TBC1D31: variants seen among roughly 807,000 people sequenced by gnomAD.
TBC1D31 encodes the protein WD repeat domain 67.
In TBC1D31, 99 loss-of-function variants were observed where a neutral mutation model predicts 132.9. That is an observed-to-expected ratio of 0.74 (90% CI 0.63 to 0.88). The LOEUF (loss-of-function observed/expected upper bound fraction) is 0.88. Among genes scored for constraint, TBC1D31 ranks in the 40% least tolerant of loss-of-function variants. The pLI is 0.00. For synonymous variants in TBC1D31, 385 were observed against 419.4 expected, an observed-to-expected ratio of 0.92 and a Z score of 1.00; for missense variants, 1,134 against 1,256.6, an observed-to-expected ratio of 0.90 and a Z score of 1.48.
At chr8:123,144,108 T>C (rs1356248502) in intron 19 of TBC1D31, among the ~76,000 whole-genome samples, 1 of 152,236 alleles carries the variant, frequency 6.6e-6, no homozygotes, top group African/African-American at 2.4e-5. Flanking sequence ...TTATTATTTC[T>C]ATAGCATAAA....
In TBC1D31 at chr8:123,085,561, A is replaced by G. The variant is rs185763234; in HGVS notation, c.519+1221A>G. On this transcript the variant is annotated intron_variant, in intron 4 of 21. Transcript: ENST00000287380. ...ACCATTCTCCTGCCTCAGCCTCCCA[A>G]GTAGCTGGGACTACAGGTGCCTGCC... is the stretch of plus-strand genomic sequence containing the variant. Among the ~76,000 whole-genome samples, 464 of 152,108 alleles carry G rather than the reference A, an allele frequency of 3.1e-3. 8 individuals carry two copies. The highest frequency in any genetic ancestry group is 0.028 in the East Asian group (143 of 5,160).
intron 16 of TBC1D31, among the ~76,000 whole-genome samples, chr8:123,131,568 T>C (rs1201798267): frequency 2.6e-5 from 4 of 152,148 alleles, no homozygotes; most frequent in African/African-American, 9.7e-5. Flanking sequence ...ATTTCTCTTT[T>C]TGTGGTTGTA....
In TBC1D31 at chr8:123,076,338, A is replaced by ATGTG. The variant is rs71310650; in HGVS notation, c.78-747_78-744dup. On this transcript the variant is annotated intron_variant, in intron 1 of 21. Transcript: ENST00000287380. ...TTTATTTTTTCTTTTAATTGTGTGT[A>ATGTG]TGTGTGTGTGTGTGTGTGTGTGTGT... Among the ~76,000 whole-genome samples the ATGTG allele has an allele frequency of 9.1e-3, 1,364 of 149,440 alleles. 18 individuals carry two copies. The highest frequency in any genetic ancestry group is 0.03 in the African/African-American group (1,235 of 40,646).
chr8:123,126,735 C>A, intron 13 of TBC1D31, 48 bp downstream of exon 13: 1 of 1,500,668 alleles, frequency 6.7e-7, no homozygotes, highest in Non-Finnish European at 9.0e-7. Flanking sequence ...TCAGTTATTT[C>A]TCTCTATTTT....
chr8:123,101,711 C>A (rs1437141065), intron 7 of TBC1D31, among the ~76,000 whole-genome samples: 1 of 152,200 alleles, frequency 6.6e-6, no homozygotes, highest in Non-Finnish European at 1.5e-5. Context: ...CCACGCCCAG[C>A]CCAACTTCTT....
intron 5 of TBC1D31, among the ~76,000 whole-genome samples, chr8:123,095,123 C>T (rs6988792): frequency 0.32 from 48,714 of 151,830 alleles, 8,003 homozygotes; most frequent in African/African-American, 0.39. Flanking sequence ...TCCTCTGTTA[C>T]CTGTATTTTT....
chr8:123,165,120 C>T, the TBC1D31 span, among the ~76,000 whole-genome samples: 12 of 152,188 alleles, frequency 7.9e-5, no homozygotes, highest in East Asian at 2.3e-3. Flanking sequence ...CCTGTCAACA[C>T]CTTCAACCTA....
chr8:123,100,693 TAC>T (rs1012091531), intron 6 of TBC1D31, 112 bp from the exon 7 acceptor site: 81 of 678,938 alleles, frequency 1.2e-4, no homozygotes, highest in African/African-American at 6.1e-4. Flanking sequence ...TACACACATA[TAC>T]ACACACACAT....
Position 123,130,622 on chromosome 8 carries a change from T to C in TBC1D31, c.2406+289T>C, listed in dbSNP as rs538873514. On this transcript the variant is annotated intron_variant, in intron 16 of 21. Transcript: ENST00000287380. ...CATTAAGTTATTTTTTCTTTTCTTT[T>C]CTTTTTTTTTTTTTTTTGAGACAGA... Among the ~76,000 whole-genome samples the C allele has an allele frequency of 4.1e-4, 62 of 150,994 alleles. No homozygotes were observed. In the South Asian group the frequency reaches 0.012, roughly 28 times the overall value.
At position 123,129,154 on chromosome 8, in the gene TBC1D31, G is replaced by C; in HGVS notation, c.2206G>C (p.Ala736Pro). ...CCAGAAACAGGAGCTGCTTCGTAAA[G>C]CTGAAGAAACAAGAAGAGAAATGCT... ...WYQKQELLRK[A>P]EETRREMLLQ... Residue 736 changes from alanine to proline, a missense_variant, in exon 15 of 22, where the codon GCT becomes CCT. Ala to Pro is a conservative substitution (Grantham distance 27). Transcript: ENST00000287380. 4 of 1,607,700 alleles carry C rather than the reference G, an allele frequency of 2.5e-6. No homozygotes were observed. The highest frequency in any genetic ancestry group is 3.4e-6 in the Non-Finnish European group (4 of 1,175,572).
intron 10 of TBC1D31, among the ~76,000 whole-genome samples, chr8:123,116,007 T>C (rs1818874795): frequency 6.6e-6 from 1 of 152,068 alleles, no homozygotes; most frequent in Non-Finnish European, 1.5e-5. Flanking sequence ...TAAAGTATAC[T>C]CAGAAAAATA....
At chr8:123,161,921 G>C in the TBC1D31 span, among the ~76,000 whole-genome samples, 46 of 150,132 alleles carry the variant, frequency 3.1e-4, 1 homozygote, top group African/African-American at 1.1e-3. Context: ...GGGAGGCTAA[G>C]GCAGGAGAAT....
At chr8:123,133,378 AT>A (rs1406549689) in intron 16 of TBC1D31, among the ~76,000 whole-genome samples, 1 of 152,172 alleles carries the variant, frequency 6.6e-6, no homozygotes, top group Non-Finnish European at 1.5e-5. Flanking sequence ...ACCTCTTTAA[AT>A]TGAACTGGTC....
At chr8:123,149,899 C>T (rs559474066) in intron 20 of TBC1D31, 137 bp from the exon 21 acceptor site, 32 of 564,856 alleles carry the variant, frequency 5.7e-5, no homozygotes, top group African/African-American at 4.1e-4. Flanking sequence ...GAATGTTGAC[C>T]GCATTCTTCT....
intron 4 of TBC1D31, among the ~76,000 whole-genome samples, chr8:123,085,520 C>T (rs1241036866): frequency 1.3e-5 from 2 of 151,914 alleles, no homozygotes; most frequent in African/African-American, 2.4e-5. Flanking sequence ...CTGCAAGCTC[C>T]GCCTCCCAGG....
chr8:123,076,776 G>T (rs1174315046), intron 1 of TBC1D31, among the ~76,000 whole-genome samples: 2 of 152,146 alleles, frequency 1.3e-5, no homozygotes, highest in African/African-American at 2.4e-5. Context: ...TTATATGTGT[G>T]TTTATTTTTT....
chr8:123,144,045 C>G (rs1250621884), intron 19 of TBC1D31, among the ~76,000 whole-genome samples: 1 of 151,872 alleles, frequency 6.6e-6, no homozygotes, highest in East Asian at 1.9e-4. Flanking sequence ...TTTCTGTGAT[C>G]CTTCCTTACC....
chr8:123,106,810 T>G (rs1177439921), intron 8 of TBC1D31, among the ~76,000 whole-genome samples: 1 of 152,200 alleles, frequency 6.6e-6, no homozygotes, highest in Non-Finnish European at 1.5e-5. Flanking sequence ...GTAGCCATAT[T>G]CATAGCTATA....
In TBC1D31 at chr8:123,077,099, T is replaced by A; in HGVS notation, c.78-12T>A. On this transcript the variant is annotated splice_polypyrimidine_tract_variant and intron_variant, in intron 1 of 21. Transcript: ENST00000287380. ...GACATAGATTCAATGTTTGGGTTTT[T>A]TTCTTTGACAGAATTATAGTGAACA... The A allele has an allele frequency of 6.4e-7, 1 of 1,567,834 alleles. No homozygotes were observed. The highest frequency in any genetic ancestry group is 8.6e-7 in the Non-Finnish European group (1 of 1,160,130).
Sources: allele counts gnomAD v4.1 joint callset (sites outside exome capture counted in the v4.1 genomes callset), GRCh38; gene constraint gnomAD v4.1.1; transcripts MANE v1.5; gene names NCBI Gene and HGNC (gene_info 2026-07-23, HGNC 2026-07-21).